HS6ST3: variants seen among roughly 807,000 people sequenced by gnomAD.
HS6ST3 encodes heparan sulfate 6-O-sulfotransferase 3.
HS6ST3 carries 12 observed loss-of-function variants against 36.7 expected under a neutral mutation model. The ratio of observed to expected loss-of-function variants is 0.33; its 90% CI spans 0.21 to 0.53. HS6ST3 has a LOEUF of 0.53. Among genes scored for constraint, HS6ST3 ranks in the 20% least tolerant of loss-of-function variants. The pLI is 0.95. For synonymous variants in HS6ST3, 240 were observed against 257.5 expected, an observed-to-expected ratio of 0.93 and a Z score of 0.65; for missense variants, 584 against 640.9, an observed-to-expected ratio of 0.91 and a Z score of 0.96.
chr13:96,636,430 G>A (rs1293840439), intron 1 of HS6ST3, among the ~76,000 whole-genome samples: 1 of 152,170 alleles, frequency 6.6e-6, no homozygotes, highest in Non-Finnish European at 1.5e-5. Context: ...ACAGGGCTGA[G>A]AGGAGAATTT....
At chr13:96,558,893 A>G (rs1312701066) in intron 1 of HS6ST3, among the ~76,000 whole-genome samples, 1 of 152,160 alleles carries the variant, frequency 6.6e-6, no homozygotes, top group East Asian at 1.9e-4. Context: ...ATTGGTGAAT[A>G]TTAATTAACT....
At chr13:96,252,365 C>G (rs2054611672) in intron 1 of HS6ST3, among the ~76,000 whole-genome samples, 2 of 152,192 alleles carry the variant, frequency 1.3e-5, no homozygotes, top group South Asian at 4.1e-4. Context: ...CAAAGATCTT[C>G]ACCCATGAGC....
At chr13:96,715,716 A>C (rs754217182) in intron 1 of HS6ST3, among the ~76,000 whole-genome samples, 1 of 152,096 alleles carries the variant, frequency 6.6e-6, no homozygotes, top group East Asian at 1.9e-4. Flanking sequence ...GAAAGTTGTT[A>C]ATTGTGCTCA....
chr13:96,422,113 A>G (rs1200096726), intron 1 of HS6ST3, among the ~76,000 whole-genome samples: 1 of 152,210 alleles, frequency 6.6e-6, no homozygotes, highest in Non-Finnish European at 1.5e-5. Context: ...AAATTACAGC[A>G]CAGTGTTAAG....
chr13:96,582,903 G>C (rs760575641), intron 1 of HS6ST3, among the ~76,000 whole-genome samples: 2 of 151,912 alleles, frequency 1.3e-5, no homozygotes, highest in African/African-American at 4.8e-5. Flanking sequence ...TAATTTTTTT[G>C]TATAAGTATG....
intron 1 of HS6ST3, among the ~76,000 whole-genome samples, chr13:96,500,016 C>T (rs971737838): frequency 6.6e-6 from 1 of 152,112 alleles, no homozygotes; most frequent in Non-Finnish European, 1.5e-5. Flanking sequence ...TGTGCAACAT[C>T]CCTGCTGATT....
chr13:96,355,703 G>T (rs2139433254), intron 1 of HS6ST3, among the ~76,000 whole-genome samples: 1 of 152,266 alleles, frequency 6.6e-6, no homozygotes, highest in African/African-American at 2.4e-5. Context: ...TTTGATGGCT[G>T]CTGTCTGATC....
intron 1 of HS6ST3, among the ~76,000 whole-genome samples, chr13:96,527,261 CT>C (rs2056117853): frequency 6.6e-6 from 1 of 152,130 alleles, no homozygotes; most frequent in African/African-American, 2.4e-5. Flanking sequence ...GGCTCACATA[CT>C]TTTACTGGAC....
At chr13:96,112,475 G>A (rs1393331844) in intron 1 of HS6ST3, among the ~76,000 whole-genome samples, 2 of 150,608 alleles carry the variant, frequency 1.3e-5, no homozygotes, top group Admixed American at 6.6e-5. Flanking sequence ...GCCCACACCT[G>A]TAATCCCAGC....
chr13:96,765,060 C>CTTTTTTTTTTTTTTTTTTTTTTT (rs11423735), intron 1 of HS6ST3, among the ~76,000 whole-genome samples: 8 of 93,910 alleles, frequency 8.5e-5, no homozygotes, highest in Non-Finnish European at 1.2e-4. Context: ...TTGTTTCTTT[C>CTTTTTTTTTTTTTTTTTTTTTTT]TTTTTTTTTT....
intron 1 of HS6ST3, among the ~76,000 whole-genome samples, chr13:96,557,247 C>G (rs985670792): frequency 4.6e-5 from 7 of 152,122 alleles, no homozygotes; most frequent in Non-Finnish European, 5.9e-5. Context: ...GGTGTACTAA[C>G]AAAGGTTAAA....
At chr13:96,482,057 A>C (rs554079494) in intron 1 of HS6ST3, among the ~76,000 whole-genome samples, 3 of 152,116 alleles carry the variant, frequency 2.0e-5, no homozygotes, top group African/African-American at 7.2e-5. Flanking sequence ...ATCCCTTACT[A>C]TTGCTGAAAG....
intron 1 of HS6ST3, among the ~76,000 whole-genome samples, chr13:96,407,787 A>C (rs1159996205): frequency 6.6e-6 from 1 of 152,230 alleles, no homozygotes; most frequent in African/African-American, 2.4e-5. Context: ...TAACAAGGGA[A>C]ATGCTAAAAG....
chr13:96,676,666 C>T (rs1246301822), intron 1 of HS6ST3, among the ~76,000 whole-genome samples: 1 of 152,076 alleles, frequency 6.6e-6, no homozygotes, highest in Non-Finnish European at 1.5e-5. Flanking sequence ...TTGTAGTAGT[C>T]TACCTCAAGG....
At chr13:96,167,046 A>G (rs966638391) in intron 1 of HS6ST3, among the ~76,000 whole-genome samples, 4 of 152,164 alleles carry the variant, frequency 2.6e-5, no homozygotes, top group Non-Finnish European at 5.9e-5. Flanking sequence ...CTGGGAGTCA[A>G]TTAAACCTCT....
chr13:96,274,927 C>T (rs1195988679), intron 1 of HS6ST3, among the ~76,000 whole-genome samples: 1 of 149,930 alleles, frequency 6.7e-6, no homozygotes, highest in Non-Finnish European at 1.5e-5. Flanking sequence ...TGAAGCCTGC[C>T]TTCAAGGTTA....
chr13:96,519,561 G>A (rs2056085532), intron 1 of HS6ST3, among the ~76,000 whole-genome samples: 1 of 152,222 alleles, frequency 6.6e-6, no homozygotes, highest in African/African-American at 2.4e-5. Flanking sequence ...TGTAGAGTAT[G>A]TAAAGATGAG....
intron 1 of HS6ST3, among the ~76,000 whole-genome samples, chr13:96,830,170 C>T (rs548214521): frequency 1.4e-4 from 22 of 152,030 alleles, no homozygotes; most frequent in African/African-American, 4.8e-4. Context: ...TACAAGTATT[C>T]CAAGCACGTT....
At chr13:96,609,254 G>C (rs1020161482) in intron 1 of HS6ST3, among the ~76,000 whole-genome samples, 7 of 152,072 alleles carry the variant, frequency 4.6e-5, no homozygotes, top group African/African-American at 1.4e-4. Flanking sequence ...GCAGATGTGA[G>C]CCACCACGGC....
Sources: allele counts gnomAD v4.1 joint callset (sites outside exome capture counted in the v4.1 genomes callset), GRCh38; gene constraint gnomAD v4.1.1; transcripts MANE v1.5; gene names NCBI Gene and HGNC (gene_info 2026-07-23, HGNC 2026-07-21).